Variants in PCM1 observed in about 807,000 individuals in gnomAD.
The protein encoded by PCM1 is pericentriolar material 1.
Under a neutral mutation model 241.9 loss-of-function variants are expected in PCM1, and 157 were observed. The ratio of observed to expected loss-of-function variants is 0.65; its 90% CI spans 0.57 to 0.74. PCM1 has a LOEUF of 0.74. Ranked by LOEUF, PCM1 falls within the 30% of genes least tolerant of loss-of-function variation. The pLI, the probability that PCM1 is intolerant of heterozygous loss-of-function variation, is 0.00. For missense variants in PCM1, 3,478 were observed against 2,360.1 expected (o/e 1.47, Z -9.81); for synonymous variants, 1,085 against 784.9 (o/e 1.38, Z -6.39).
rs1189783776 is a variant in PCM1 at position 18,027,961 on chromosome 8, C to CTT, written c.*300_*301dup. The CTT allele has an allele frequency of 6.4e-6, 2 of 311,504 alleles. No homozygotes were observed. Among genetic ancestry groups the CTT allele is most frequent in the East Asian group, 4.6e-5 (1 of 21,520 alleles). 19.3% of individuals were successfully genotyped at this position (311,504 alleles called of 1,614,324 possible). Reference sequence around the variant, plus strand: ...AATGTAGTTTTAAATAAAGTTTGGACTTATCTATAAAGTATCTTTTTTGGA... The same window carrying CTT: ...AATGTAGTTTTAAATAAAGTTTGGACTTTTATCTATAAAGTATCTTTTTTGGA... On this transcript the variant is annotated 3_prime_UTR_variant, in exon 39 of 39. Coordinates refer to ENST00000325083, the MANE Select transcript of PCM1 (RefSeq NM_006197.4).
At chr8:17,929,732 C>T (rs939696801) in intron 2 of PCM1, among the ~76,000 whole-genome samples, 2 of 152,200 alleles carry the variant, frequency 1.3e-5, no homozygotes, top group South Asian at 2.1e-4. Context: ...CAGAGACCCC[C>T]AGTGCATGCC....
intron 34 of PCM1, among the ~76,000 whole-genome samples, chr8:18,012,219 G>A (rs780530285): frequency 1.1e-4 from 17 of 152,068 alleles, no homozygotes; most frequent in African/African-American, 2.4e-4. Context: ...ATTTCACACC[G>A]GCCCTCTCCT....
chr8:18,027,037 C>G (rs746008580), intron 38 of PCM1, among the ~76,000 whole-genome samples: 1 of 152,176 alleles, frequency 6.6e-6, no homozygotes, highest in Non-Finnish European at 1.5e-5. Context: ...ATGTTTCTTG[C>G]ATCAGGATCA....
intron 2 of PCM1, chr8:17,934,714 C>CT (rs1394237974): frequency 6.6e-6 from 1 of 152,176 alleles, no homozygotes; most frequent in African/African-American, 2.4e-5. Flanking sequence ...AGCTAGCACC[C>CT]TTTCAACCTG....
rs745660256 is a variant in PCM1, at chr8:17,960,090, C to T, written c.2117C>T (p.Thr706Ile). ...GATTTCTACCCAGCAGAAGAAGACA[C>T]CAAGCAAAATTCAAATAACACTAGA... is the stretch of plus-strand genomic sequence containing the variant. ...LDDFYPAEED[T>I]KQNSNNTRGN... Residue 706 changes from threonine (T) to isoleucine (I), a missense_variant, in exon 14 of 39, where the codon ACC becomes ATC. Thr to Ile is a moderately conservative substitution (Grantham distance 89). Coordinates refer to ENST00000325083, the MANE Select transcript of PCM1 (RefSeq NM_006197.4). 6.2e-7 allele frequency: 1 copy of T among 1,609,066 alleles called. No individual in the cohort carries two copies. Among genetic ancestry groups the T allele is most frequent in the Admixed American group, 1.7e-5 (1 of 59,360 alleles).
rs116778571 is a variant in PCM1, at chr8:18,007,392, A to G, written c.4962+995A>G. On this transcript the variant is annotated intron_variant, in intron 30 of 38. Transcript: ENST00000325083. ...AATTGTCCTGGCCCCGTTAGCAGTTATTAGTACTAACAGATAATTTCTAAG... is the reference window on the plus strand; with the variant it reads ...AATTGTCCTGGCCCCGTTAGCAGTTGTTAGTACTAACAGATAATTTCTAAG... 7.3e-3 allele frequency among the ~76,000 whole-genome samples: 1,107 copies of G among 152,296 alleles called. 9 individuals are homozygous for G. The highest frequency in any genetic ancestry group is 0.026 in the African/African-American group (1,063 of 41,564).
intron 23 of PCM1, among the ~76,000 whole-genome samples, chr8:17,977,341 G>C (rs1403823993): frequency 6.6e-6 from 1 of 152,120 alleles, no homozygotes; most frequent in African/African-American, 2.4e-5. Context: ...AAAAAACCTG[G>C]AACCTAAAGT....
intron 4 of PCM1, among the ~76,000 whole-genome samples, chr8:17,937,877 C>T (rs949622919): frequency 3.3e-5 from 5 of 152,084 alleles, no homozygotes; most frequent in African/African-American, 1.2e-4. Context: ...TAGAGACACA[C>T]ACATTTCCAA....
chr8:17,957,072 G>C (rs982174786), intron 11 of PCM1, among the ~76,000 whole-genome samples, 192 bp from the exon 12 acceptor site: 29 of 152,062 alleles, frequency 1.9e-4, no homozygotes, highest in African/African-American at 7.0e-4. Context: ...CATTTTTTCA[G>C]ATGTTTTTCT....
chr8:17,966,317 T>A lies in PCM1; in HGVS notation c.3076-11T>A. 6.2e-7 allele frequency: 1 copy of A among 1,613,084 alleles called. No individual in the cohort carries two copies. Among genetic ancestry groups the A allele is most frequent in the Non-Finnish European group, 8.5e-7 (1 of 1,179,288 alleles). On this transcript the variant is annotated splice_polypyrimidine_tract_variant and intron_variant, in intron 19 of 38. Transcript: ENST00000325083. ...CATCAGTAACTATTAACAAACATTTTCTTTCAATAGACTCTATCTTGTCTG... is the reference window on the plus strand; with the variant it reads ...CATCAGTAACTATTAACAAACATTTACTTTCAATAGACTCTATCTTGTCTG...
chr8:17,980,536 C>T (rs1336112591), intron 23 of PCM1, 55 bp from the exon 24 acceptor site: 26 of 1,446,316 alleles, frequency 1.8e-5, no homozygotes, highest in Non-Finnish European at 2.3e-5. Flanking sequence ...AACCGATTTC[C>T]CTTTTAGTTT....
At chr8:17,963,070 T>A (rs1350895798) in intron 16 of PCM1, 31 bp from the exon 17 acceptor site, 1 of 1,523,740 alleles carries the variant, frequency 6.6e-7, no homozygotes, top group East Asian at 2.4e-5. Context: ...ATCCAAATAT[T>A]TATTTAACTC....
At chr8:17,959,605 C>T (rs1488241984) in intron 13 of PCM1, among the ~76,000 whole-genome samples, 9 of 96,204 alleles carry the variant, frequency 9.4e-5, no homozygotes. Flanking sequence ...TATGTATTTC[C>T]GTATGTATTT....
At position 17,939,003 on chromosome 8, in the gene PCM1, C is replaced by T. The variant is rs777605440; in HGVS notation, c.606C>T (p.Ser202=). 2.5e-6 allele frequency: 4 copies of T among 1,613,356 alleles called. No homozygotes were observed. In the African/African-American group the frequency reaches 4.0e-5, roughly 16 times the overall value. Residue 202 remains serine, a synonymous_variant, in exon 5 of 39, where the codon AGC becomes AGT. Transcript: ENST00000325083. ...GGAGGGGAGAACCTGCAATGGAGAG[C>T]AGCCAGGTGATAACGTTTGTTTCTT... ...EDGRGEPAME[S]SQIVSRLVQI...
At chr8:17,933,926 C>G (rs73580036) in intron 2 of PCM1, among the ~76,000 whole-genome samples, 3,001 of 151,682 alleles carry the variant, frequency 0.02, 112 homozygotes, top group African/African-American at 0.069. Context: ...TTACTTTCAA[C>G]TCTTTAGAGA....
chr8:18,006,469 G>C, intron 30 of PCM1, 72 bp downstream of exon 30: 1 of 1,008,568 alleles, frequency 9.9e-7, no homozygotes, highest in Non-Finnish European at 1.5e-6. Flanking sequence ...GGGTGGGTGA[G>C]GCATTTTCTT....
intron 22 of PCM1, among the ~76,000 whole-genome samples, chr8:17,970,893 A>C (rs2076612700): frequency 2.6e-5 from 4 of 152,184 alleles, no homozygotes; most frequent in Admixed American, 2.6e-4. Flanking sequence ...ATGGAATTAA[A>C]TGACTAGAGA....
chr8:17,977,440 A>G (rs1400203631), intron 23 of PCM1, among the ~76,000 whole-genome samples: 1 of 152,184 alleles, frequency 6.6e-6, no homozygotes, highest in Non-Finnish European at 1.5e-5. Flanking sequence ...AATTGACAAT[A>G]TTTGGGAAAA....
intron 5 of PCM1, among the ~76,000 whole-genome samples, chr8:17,939,447 TA>T: frequency 6.6e-6 from 1 of 152,166 alleles, no homozygotes; most frequent in East Asian, 1.9e-4. Flanking sequence ...TACTGTAGAT[TA>T]AAATTTTGAA....
Sources: allele counts gnomAD v4.1 joint callset (sites outside exome capture counted in the v4.1 genomes callset), GRCh38; gene constraint gnomAD v4.1.1; transcripts MANE v1.5; gene names NCBI Gene and HGNC (gene_info 2026-07-23, HGNC 2026-07-21).